ANKRD46: variants seen among roughly 807,000 people sequenced by gnomAD.
ANKRD46 encodes ankyrin repeat domain 46.
ANKRD46 carries 13 observed loss-of-function variants against 19.8 expected under a neutral mutation model. The ratio of observed to expected loss-of-function variants is 0.66; its 90% CI spans 0.43 to 1.04. The LOEUF (loss-of-function observed/expected upper bound fraction) is 1.04, where lower values mean the gene tolerates loss of function less well. Among genes scored for constraint, ANKRD46 ranks in the 50% least tolerant of loss-of-function variants. The probability of loss-of-function intolerance (pLI) is 0.00; values close to 1 mark genes in which losing one functional copy is unlikely to be tolerated. For missense variants in ANKRD46, 185 were observed against 274.8 expected, an observed-to-expected ratio of 0.67 and a Z score of 2.31; for synonymous variants, 91 against 106.9, an observed-to-expected ratio of 0.85 and a Z score of 0.92.
chr8:100,559,385 C>T lies in ANKRD46; in HGVS notation c.-131+326G>A, dbSNP rs942829201. 1.3e-5 allele frequency: 2 copies of T among 152,430 alleles called. No individual in the cohort carries two copies. The highest frequency in any genetic ancestry group is 6.5e-5 in the Admixed American group (1 of 15,288). The allele number at this position is 152,430 out of a possible 1,614,324, so 9.4% of individuals were successfully genotyped here. ...CCTGCGGCGTGGCTTCCGCGCTCCA[C>T]CCCCCGATTAACCGCGAGCCAGGGC... is the stretch of plus-strand genomic sequence containing the variant. On this transcript the variant is annotated intron_variant, in intron 1 of 4. Coordinates refer to ENST00000335659, the MANE Select transcript of ANKRD46 (RefSeq NM_001270377.2). This position sits in a 1 kb window ranked among gnomAD's most constrained non-coding sequence, Gnocchi z 6.0.
At position 100,527,769 on chromosome 8, in the gene ANKRD46, G is replaced by A. The variant is rs1482325716; in HGVS notation, c.470+76C>T. 1 of 1,469,520 alleles carries A rather than the reference G, an allele frequency of 6.8e-7. No homozygotes were observed. Among genetic ancestry groups the A allele is most frequent in the African/African-American group, 1.4e-5 (1 of 70,420 alleles). The allele number at this position is 1,469,520 out of a possible 1,614,324, so 91.0% of individuals were successfully genotyped here. A position where few individuals can be genotyped will look rare whatever the true frequency, so the allele number is the denominator to read the frequency against. ...AGTCCCAGCTAGTCAGGAGGCTGAG[G>A]CAGGAAGAATGCTTGAGCCCAGGAG... On this transcript the variant is annotated intron_variant, in intron 4 of 4. Coordinates refer to ENST00000335659, the MANE Select transcript of ANKRD46 (RefSeq NM_001270377.2). The surrounding 1 kb of genome is among the most constrained non-coding windows in gnomAD (Gnocchi z 4.0).
intron 1 of ANKRD46, chr8:100,551,395 C>A (rs1299534870): frequency 3.3e-6 from 2 of 606,462 alleles, no homozygotes; most frequent in Admixed American, 3.9e-5. Flanking sequence ...GAGCCCCAGC[C>A]TTCTCTATGG....
Position 100,551,265 on chromosome 8 carries a change from A to G in ANKRD46, c.-131+8446T>C, listed in dbSNP as rs112088102. 1,918 of 489,232 alleles carry G rather than the reference A, an allele frequency of 3.9e-3. 29 individuals are homozygous for G. Among genetic ancestry groups the G allele is most frequent in the African/African-American group, 0.027 (1,356 of 50,968 alleles). 30.3% of individuals were successfully genotyped at this position (489,232 alleles called of 1,614,324 possible). ...GGGGATTAAGCAGTTGGTGGTACAG[A>G]AGGCATTGCTGATGATCTTGAGGCT... On this transcript the variant is annotated intron_variant, in intron 1 of 4. Coordinates refer to ENST00000335659, the MANE Select transcript of ANKRD46 (RefSeq NM_001270377.2).
intron 3 of ANKRD46, among the ~76,000 whole-genome samples, chr8:100,528,484 G>C (rs575898411): frequency 1.3e-5 from 2 of 150,838 alleles, no homozygotes; most frequent in South Asian, 4.2e-4. Flanking sequence ...CAAACATCCA[G>C]TGTAGCTGAA....
rs986848154 is a variant in ANKRD46, at chr8:100,534,362, C to T, written c.-130-1051G>A. Among the ~76,000 whole-genome samples the T allele has an allele frequency of 5.3e-5, 8 of 152,204 alleles. No homozygotes were observed. The highest frequency in any genetic ancestry group is 1.4e-4 in the African/African-American group (6 of 41,454). ...CCCACACGAGGGTCAGTAAATATCA[C>T]GAAGACATGATAACACACAAAACAT... is the stretch of plus-strand genomic sequence containing the variant. On this transcript the variant is annotated intron_variant, in intron 1 of 4. Transcript: ENST00000335659. This position sits in a 1 kb window ranked among gnomAD's most constrained non-coding sequence, Gnocchi z 4.2.
At chr8:100,535,343 G>C (rs952848650) in intron 1 of ANKRD46, among the ~76,000 whole-genome samples, 1 of 152,158 alleles carries the variant, frequency 6.6e-6, no homozygotes, top group African/African-American at 2.4e-5. Flanking sequence ...AACTTTTTGA[G>C]ATAATTATAA....
chr8:100,534,193 T>C lies in ANKRD46; in HGVS notation c.-130-882A>G, dbSNP rs1023076735. The stretch of plus-strand genomic sequence containing the variant: ...TCCTTGTTCATTGTTATCAAATCCC[T>C]GTGAACAAATTTATATAGGGAAATA... On this transcript the variant is annotated intron_variant, in intron 1 of 4. Coordinates refer to ENST00000335659, the MANE Select transcript of ANKRD46 (RefSeq NM_001270377.2). This position sits in a 1 kb window ranked among gnomAD's most constrained non-coding sequence, Gnocchi z 4.2. Among the ~76,000 whole-genome samples, 16 of 152,230 alleles carry C rather than the reference T, an allele frequency of 1.1e-4. No homozygotes were observed. Among genetic ancestry groups the C allele is most frequent in the African/African-American group, 3.4e-4 (14 of 41,466 alleles).
chr8:100,514,617 CTTTTT>C (rs35216029), intron 5 of ANKRD46, among the ~76,000 whole-genome samples: 1,364 of 74,096 alleles, frequency 0.018, 30 homozygotes, highest in African/African-American at 0.068. Flanking sequence ...CCTCCATCTT[CTTTTT>C]TTTTTTTTTT....
chr8:100,523,562 A>T (rs1407643239), intron 4 of ANKRD46, among the ~76,000 whole-genome samples: 2 of 152,038 alleles, frequency 1.3e-5, no homozygotes, highest in Non-Finnish European at 2.9e-5. Context: ...CAATGAAGGA[A>T]TTCCTTCTTT....
intron 1 of ANKRD46, among the ~76,000 whole-genome samples, chr8:100,558,633 GA>G (rs1563495798): frequency 6.6e-6 from 1 of 152,186 alleles, no homozygotes; most frequent in Non-Finnish European, 1.5e-5. Context: ...CTAAGCCTGA[GA>G]GAAATCAGTT....
At chr8:100,526,126 C>T (rs892434125) in intron 4 of ANKRD46, among the ~76,000 whole-genome samples, 7 of 152,112 alleles carry the variant, frequency 4.6e-5, no homozygotes, top group South Asian at 2.1e-4. Flanking sequence ...TACAGTGTTA[C>T]AATTAATACA....
At chr8:100,542,449 T>C (rs1033632590) in intron 1 of ANKRD46, among the ~76,000 whole-genome samples, 7 of 152,260 alleles carry the variant, frequency 4.6e-5, no homozygotes, top group East Asian at 1.9e-4. Context: ...TGTGGGGTAT[T>C]AGATGTATTT....
chr8:100,556,498 G>A (rs1057134101), intron 1 of ANKRD46: 1 of 152,136 alleles, frequency 6.6e-6, no homozygotes, highest in African/African-American at 2.4e-5. Flanking sequence ...GCTTAAGCTG[G>A]AAATAAAAAT....
intron 5 of ANKRD46, among the ~76,000 whole-genome samples, chr8:100,513,833 G>C (rs1378203902): frequency 2.0e-5 from 3 of 152,212 alleles, no homozygotes; most frequent in Non-Finnish European, 4.4e-5. Flanking sequence ...TAAAAGAACA[G>C]ACTGTGCTGG....
At chr8:100,540,367 T>A (rs928057588) in intron 1 of ANKRD46, among the ~76,000 whole-genome samples, 9 of 152,218 alleles carry the variant, frequency 5.9e-5, no homozygotes, top group Admixed American at 3.3e-4. Flanking sequence ...GTAGAAACAA[T>A]ACCTGGAAAT....
chr8:100,515,105 GT>G (rs1040209353), intron 5 of ANKRD46, among the ~76,000 whole-genome samples: 16 of 152,186 alleles, frequency 1.1e-4, no homozygotes, highest in African/African-American at 3.4e-4. Context: ...TTTTGTTTTT[GT>G]TTTTTTAAAT....
chr8:100,528,681 C>T (rs745978662), intron 3 of ANKRD46, among the ~76,000 whole-genome samples: 3 of 152,046 alleles, frequency 2.0e-5, no homozygotes, highest in African/African-American at 7.2e-5. Context: ...TAAGCTGCTT[C>T]GGTTCACGCA....
At chr8:100,514,430 G>C (rs949819320) in intron 5 of ANKRD46, among the ~76,000 whole-genome samples, 1 of 151,804 alleles carries the variant, frequency 6.6e-6, no homozygotes, top group African/African-American at 2.4e-5. Flanking sequence ...CCCTAGGTCA[G>C]AGCTTACGTT....
chr8:100,529,882 A>G lies in ANKRD46; in HGVS notation c.-27-22T>C. 1 of 1,551,082 alleles carries G rather than the reference A, an allele frequency of 6.4e-7. No individual in the cohort carries two copies. The highest frequency in any genetic ancestry group is 8.8e-7 in the Non-Finnish European group (1 of 1,137,128). On this transcript the variant is annotated intron_variant, in intron 2 of 4. Coordinates refer to ENST00000335659, the MANE Select transcript of ANKRD46 (RefSeq NM_001270377.2). The surrounding 1 kb of genome is among the most constrained non-coding windows in gnomAD (Gnocchi z 5.8). ...ACGCCTGTAATGAAATAGGTGAGTGAGATTCCATGAAGACAAATGAAATCA... is the reference window on the plus strand; with the variant it reads ...ACGCCTGTAATGAAATAGGTGAGTGGGATTCCATGAAGACAAATGAAATCA...
Sources: gnomAD v4.1 joint callset for allele counts (sites outside exome capture counted in the v4.1 genomes callset) on GRCh38, gnomAD v4.1.1 for gene constraint, Gnocchi (gnomAD v3.1) non-coding constraint, MANE v1.5 for transcripts, NCBI Gene and HGNC (gene_info 2026-07-23, HGNC 2026-07-21) for gene names.